Variants in WWTR1 observed in about 807,000 individuals in gnomAD.
WWTR1 encodes WW domain-containing transcription regulator protein 1.
In WWTR1, 13 loss-of-function variants were observed where a neutral mutation model predicts 40.1. That is an observed-to-expected ratio of 0.32 (90% CI 0.21 to 0.52). The LOEUF (loss-of-function observed/expected upper bound fraction) is 0.52. WWTR1 is among the 20% of genes least tolerant of loss of function. The pLI is 0.97. For synonymous variants in WWTR1, 230 were observed against 210.1 expected, an observed-to-expected ratio of 1.09 and a Z score of -0.82; for missense variants, 436 against 523.1, an observed-to-expected ratio of 0.83 and a Z score of 1.63.
intron 2 of WWTR1, among the ~76,000 whole-genome samples, chr3:149,585,936 G>A (rs1238440108): frequency 6.6e-6 from 1 of 152,158 alleles, no homozygotes; most frequent in Non-Finnish European, 1.5e-5. Context: ...TCAACTAATG[G>A]AAAAACAGAT....
At chr3:149,597,000 C>T (rs1473494393) in intron 2 of WWTR1, among the ~76,000 whole-genome samples, 1 of 152,090 alleles carries the variant, frequency 6.6e-6, no homozygotes. Context: ...ATATTAGCTA[C>T]CATTATGATT....
intron 1 of WWTR1, among the ~76,000 whole-genome samples, chr3:149,691,106 T>C (rs557436923): frequency 2.0e-5 from 3 of 151,666 alleles, no homozygotes; most frequent in African/African-American, 4.8e-5. Flanking sequence ...AAAGAAAAAA[T>C]TTCTTGAAAC....
In WWTR1 at chr3:149,519,503, G is replaced by A. The variant is rs558846126; in HGVS notation, c.*1302C>T. ...AGAATTTAAAAAGCAACAGCTCACTGTGTGTGGTGTGCTATCAGGTTGAAA... is the reference window on the plus strand; with the variant it reads ...AGAATTTAAAAAGCAACAGCTCACTATGTGTGGTGTGCTATCAGGTTGAAA... On this transcript the variant is annotated 3_prime_UTR_variant, in exon 7 of 7. Transcript: ENST00000360632. The A allele has an allele frequency of 2.6e-5, 4 of 152,346 alleles. No homozygotes were observed. In the East Asian group the frequency reaches 5.8e-4, roughly 22 times the overall value. 9.4% of individuals were successfully genotyped at this position (152,346 alleles called of 1,614,324 possible).
intron 2 of WWTR1, among the ~76,000 whole-genome samples, chr3:149,668,474 G>A (rs1713927538): frequency 6.6e-6 from 1 of 152,094 alleles, no homozygotes; most frequent in Non-Finnish European, 1.5e-5. Flanking sequence ...CGGGCATGGT[G>A]GCGGGCGCCT....
intron 1 of WWTR1, among the ~76,000 whole-genome samples, chr3:149,675,292 C>T (rs7652259): frequency 0.032 from 4,833 of 152,244 alleles, 157 homozygotes; most frequent in East Asian, 0.13. Flanking sequence ...AGATGTGAGA[C>T]GTCTGCTGAA....
chr3:149,673,374 A>G (rs1191139650), intron 1 of WWTR1, among the ~76,000 whole-genome samples: 1 of 152,232 alleles, frequency 6.6e-6, no homozygotes, highest in African/African-American at 2.4e-5. Flanking sequence ...TGAATTTTTA[A>G]TCCATGAATT....
chr3:149,663,374 A>G (rs1177492834), intron 2 of WWTR1, among the ~76,000 whole-genome samples: 1 of 152,056 alleles, frequency 6.6e-6, no homozygotes, highest in Non-Finnish European at 1.5e-5. Context: ...CTGGACTGTA[A>G]ATAGCTGCAG....
intron 2 of WWTR1, among the ~76,000 whole-genome samples, chr3:149,581,943 G>A (rs1366747662): frequency 6.6e-6 from 1 of 152,176 alleles, no homozygotes; most frequent in Non-Finnish European, 1.5e-5. Context: ...CAGCCCCAAA[G>A]AGCAGATGAG....
chr3:149,626,182 G>A (rs953468924), intron 2 of WWTR1, among the ~76,000 whole-genome samples: 3 of 152,176 alleles, frequency 2.0e-5, no homozygotes, highest in African/African-American at 7.2e-5. Context: ...TGGGAAAACC[G>A]TGCATTTGAT....
At chr3:149,703,554 A>G (rs2108225803), upstream of WWTR1, among the ~76,000 whole-genome samples, 1 of 152,284 alleles carries the variant, frequency 6.6e-6, no homozygotes. Flanking sequence ...TTACATTAAG[A>G]ATATCTCCTC....
chr3:149,698,028 G>A (rs1332716374), intron 1 of WWTR1, among the ~76,000 whole-genome samples: 4 of 152,192 alleles, frequency 2.6e-5, no homozygotes, highest in Non-Finnish European at 5.9e-5. Flanking sequence ...TGCCCACATG[G>A]CTTTGCAGGA....
chr3:149,570,137 T>C (rs1737548059), intron 3 of WWTR1, among the ~76,000 whole-genome samples: 1 of 152,250 alleles, frequency 6.6e-6, no homozygotes. Flanking sequence ...TTACTTGGCA[T>C]TCCAAGTTGT....
At chr3:149,700,763 C>T (rs1038532908) in intron 1 of WWTR1, among the ~76,000 whole-genome samples, 2 of 152,154 alleles carry the variant, frequency 1.3e-5, no homozygotes, top group African/African-American at 4.8e-5. Context: ...AAGAGTCTAA[C>T]TTTAGCATCC....
chr3:149,630,849 G>A (rs989739970), intron 2 of WWTR1, among the ~76,000 whole-genome samples: 2 of 152,194 alleles, frequency 1.3e-5, no homozygotes, highest in Non-Finnish European at 2.9e-5. Flanking sequence ...TTTGCATTTA[G>A]ATGTAGCAAA....
At chr3:149,575,581 C>CATCA (rs1737842547) in intron 2 of WWTR1, among the ~76,000 whole-genome samples, 1 of 152,158 alleles carries the variant, frequency 6.6e-6, no homozygotes, top group Non-Finnish European at 1.5e-5. Context: ...TGGAAATATA[C>CATCA]ATCATTTGCT....
intron 1 of WWTR1, among the ~76,000 whole-genome samples, chr3:149,698,154 T>G (rs1715050603): frequency 6.6e-6 from 1 of 152,172 alleles, no homozygotes. Flanking sequence ...TGGTGGGTGA[T>G]GTGGTTTGGC....
At chr3:149,676,522 C>T (rs939332200) in intron 1 of WWTR1, among the ~76,000 whole-genome samples, 1 of 152,100 alleles carries the variant, frequency 6.6e-6, no homozygotes, top group South Asian at 2.1e-4. Context: ...TGATGGTAAG[C>T]ACAGCTTCAG....
Position 149,716,852 on chromosome 3 carries a change from G to GA in WWTR1, n.584+589dup, listed in dbSNP as rs201465290. ...GGACAGATCTACAGAGAAATCATAA[G>GA]AAAAAAAATGTGGGCATACAGTCAC... On this transcript the variant is annotated intron_variant and non_coding_transcript_variant, in intron 5 of 6. Coordinates refer to the WWTR1 transcript ENST00000474080. 5.5e-3 allele frequency among the ~76,000 whole-genome samples: 836 copies of GA among 151,872 alleles called. 5 individuals carry two copies. Among genetic ancestry groups the GA allele is most frequent in the Non-Finnish European group, 8.3e-3 (564 of 67,914 alleles).
intron 2 of WWTR1, among the ~76,000 whole-genome samples, chr3:149,612,591 G>T (rs1353394602): frequency 6.6e-6 from 1 of 152,132 alleles, no homozygotes; most frequent in Non-Finnish European, 1.5e-5. Flanking sequence ...TCAGGGAAGT[G>T]CCATAAAAGA....
Sources: allele counts gnomAD v4.1 joint callset (sites outside exome capture counted in the v4.1 genomes callset), GRCh38; gene constraint gnomAD v4.1.1; transcripts MANE v1.5; gene names NCBI Gene and HGNC (gene_info 2026-07-23, HGNC 2026-07-21).